KSR2: variants seen among roughly 807,000 people sequenced by gnomAD.
KSR2 encodes the protein kinase suppressor of ras 2.
Under a neutral mutation model 107.8 loss-of-function variants are expected in KSR2, and 25 were observed. The ratio of observed to expected loss-of-function variants is 0.23; its 90% CI spans 0.17 to 0.32. The LOEUF is 0.32. Ranked by LOEUF, KSR2 falls within the 10% of genes least tolerant of loss-of-function variation. KSR2 has a pLI of 1.00. For missense variants in KSR2, 887 were observed against 1,268.9 expected (o/e 0.70, Z 4.57); for synonymous variants, 480 against 507.0 (o/e 0.95, Z 0.71).
intron 3 of KSR2, among the ~76,000 whole-genome samples, chr12:117,831,143 G>A (rs1417130531): frequency 2.6e-5 from 4 of 152,060 alleles, no homozygotes; most frequent in Admixed American, 6.6e-5. Context: ...ATGTCTGTTC[G>A]GGCAGAACTT....
chr12:117,687,138 C>T (rs929374110), intron 4 of KSR2, among the ~76,000 whole-genome samples: 1 of 152,196 alleles, frequency 6.6e-6, no homozygotes, highest in African/African-American at 2.4e-5. Flanking sequence ...TCCAGCACGA[C>T]CTTGGGCAGG....
At chr12:117,677,386 A>G (rs1381611113) in intron 4 of KSR2, 2 of 152,212 alleles carry the variant, frequency 1.3e-5, no homozygotes, top group Non-Finnish European at 2.9e-5. Context: ...ACAACACACC[A>G]GGGATGTATA....
chr12:117,906,286 GA>G (rs1046960032), intron 1 of KSR2, among the ~76,000 whole-genome samples: 35 of 149,260 alleles, frequency 2.3e-4, no homozygotes, highest in African/African-American at 8.4e-4. Context: ...CTGGGAGGCA[GA>G]GGTTGTGGTG....
At chr12:117,655,377 A>G (rs992539788) in intron 5 of KSR2, among the ~76,000 whole-genome samples, 2 of 152,196 alleles carry the variant, frequency 1.3e-5, no homozygotes, top group African/African-American at 4.8e-5. Context: ...GGATTGATAG[A>G]ACGGTGGAAT....
intron 5 of KSR2, among the ~76,000 whole-genome samples, chr12:117,628,147 C>T (rs1283543661): frequency 6.6e-6 from 1 of 152,156 alleles, no homozygotes; most frequent in Non-Finnish European, 1.5e-5. Flanking sequence ...TGGATTCGAA[C>T]ATCCTCCTTT....
At chr12:117,494,856 C>A (rs1872937418) in intron 14 of KSR2, among the ~76,000 whole-genome samples, 1 of 152,166 alleles carries the variant, frequency 6.6e-6, no homozygotes, top group Non-Finnish European at 1.5e-5. Context: ...AGAAAAAAGC[C>A]AGGCATGTGG....
At chr12:117,529,978 A>C (rs2137252349) in intron 12 of KSR2, among the ~76,000 whole-genome samples, 1 of 152,312 alleles carries the variant, frequency 6.6e-6, no homozygotes, top group East Asian at 1.9e-4. Context: ...CCGTGATTGC[A>C]CCACTGCATT....
At chr12:117,547,870 G>C (rs1307291382) in intron 9 of KSR2, among the ~76,000 whole-genome samples, 1 of 152,104 alleles carries the variant, frequency 6.6e-6, no homozygotes, top group Admixed American at 6.5e-5. Flanking sequence ...GCCGTGGCAG[G>C]TGGATCACAA....
chr12:117,553,589 G>T (rs1877457404), intron 9 of KSR2, among the ~76,000 whole-genome samples: 1 of 152,080 alleles, frequency 6.6e-6, no homozygotes, highest in South Asian at 2.1e-4. Flanking sequence ...CCGATCCTTG[G>T]GCTGATGTGC....
At chr12:117,621,466 A>G (rs1882192194) in intron 5 of KSR2, among the ~76,000 whole-genome samples, 1 of 152,170 alleles carries the variant, frequency 6.6e-6, no homozygotes, top group South Asian at 2.1e-4. Context: ...AGGTTAGTTA[A>G]CCTCTCTGTG....
chr12:117,532,432 T>C (rs545205648), intron 10 of KSR2, among the ~76,000 whole-genome samples: 27 of 152,262 alleles, frequency 1.8e-4, no homozygotes, highest in African/African-American at 6.0e-4. Flanking sequence ...ACTTTGTGAT[T>C]ATATTTAGGG....
intron 4 of KSR2, among the ~76,000 whole-genome samples, chr12:117,712,451 C>T (rs1019872039): frequency 6.6e-6 from 1 of 152,122 alleles, no homozygotes; most frequent in African/African-American, 2.4e-5. Context: ...CACCACTAGC[C>T]GGAGTCAGAA....
intron 14 of KSR2, among the ~76,000 whole-genome samples, chr12:117,520,387 G>A (rs1416800187): frequency 6.6e-6 from 1 of 152,148 alleles, no homozygotes; most frequent in African/African-American, 2.4e-5. Flanking sequence ...CACAACCAGG[G>A]AACTGATTTC....
intron 7 of KSR2, among the ~76,000 whole-genome samples, chr12:117,559,843 C>T (rs1183176815): frequency 6.6e-6 from 1 of 152,128 alleles, no homozygotes; most frequent in Non-Finnish European, 1.5e-5. Flanking sequence ...TGGAAGATGC[C>T]GTAAGTGCCC....
chr12:117,787,203 G>C (rs562323575), intron 3 of KSR2, among the ~76,000 whole-genome samples: 44 of 152,262 alleles, frequency 2.9e-4, no homozygotes, highest in African/African-American at 1.0e-3. Context: ...TTCTCCCTTA[G>C]AGACTGTAAG....
intron 4 of KSR2, among the ~76,000 whole-genome samples, chr12:117,677,720 T>C (rs971785673): frequency 6.6e-6 from 1 of 152,220 alleles, no homozygotes; most frequent in African/African-American, 2.4e-5. Context: ...TCTAGCGGTG[T>C]CTGAATTTCT....
chr12:117,926,452 C>A (rs1170300934), intron 1 of KSR2, among the ~76,000 whole-genome samples: 1 of 152,236 alleles, frequency 6.6e-6, no homozygotes, highest in Non-Finnish European at 1.5e-5. Flanking sequence ...GAAGCTGCTG[C>A]TCTGGAGGTG....
At chr12:117,560,205 G>A (rs1267716153) in intron 7 of KSR2, among the ~76,000 whole-genome samples, 1 of 152,104 alleles carries the variant, frequency 6.6e-6, no homozygotes, top group Admixed American at 6.5e-5. Context: ...GTACTTGGAG[G>A]CTAGGCTGCA....
rs540215630 is a variant in KSR2 at position 117,598,686 on chromosome 12, T to C, written c.1172-16327A>G. Among the ~76,000 whole-genome samples the C allele has an allele frequency of 5.3e-4, 81 of 152,320 alleles. No individual in the cohort carries two copies. The South Asian group carries it at 7.7e-3, about 14-fold the overall frequency. On this transcript the variant is annotated intron_variant, in intron 5 of 19. Transcript: ENST00000339824. Reference sequence around the variant, plus strand: ...GCAGGAGTAAGGTGGTATTGCATTGTGGTTTTGATGTGCATTTCCCTGATA... The same window carrying C: ...GCAGGAGTAAGGTGGTATTGCATTGCGGTTTTGATGTGCATTTCCCTGATA...
Sources: allele counts gnomAD v4.1 joint callset (sites outside exome capture counted in the v4.1 genomes callset), GRCh38; gene constraint gnomAD v4.1.1; transcripts MANE v1.5; gene names NCBI Gene and HGNC (gene_info 2026-07-23, HGNC 2026-07-21).